The following ARHGEF9 variants were observed in gnomAD, a reference collection of about 807,000 sequenced individuals.
ARHGEF9 encodes rho guanine nucleotide exchange factor 9.
Under a neutral mutation model 41.3 loss-of-function variants are expected in ARHGEF9, and 2 were observed. The observed-to-expected ratio is 0.05, with a 90% CI of 0.02 to 0.15. The LOEUF is 0.15. Ranked by LOEUF, ARHGEF9 falls within the 10% of genes least tolerant of loss-of-function variation. The pLI, the probability that ARHGEF9 is intolerant of heterozygous loss-of-function variation, is 1.00. For missense variants in ARHGEF9, 225 were observed against 424.7 expected (o/e 0.53, Z 4.13); for synonymous variants, 160 against 154.4 (o/e 1.04, Z -0.27).
intron 1 of ARHGEF9, among the ~76,000 whole-genome samples, chrX:63,743,621 T>C (rs2055094823): frequency 1.8e-5 from 2 of 112,511 alleles, no homozygotes; most frequent in South Asian, 7.3e-4. Context: ...CTGCAATTTC[T>C]AAAACAGTTT....
At chrX:63,669,697 T>C (rs2049820551) in intron 6 of ARHGEF9, among the ~76,000 whole-genome samples, 1 of 111,883 alleles carries the variant, frequency 8.9e-6, no homozygotes, top group Admixed American at 9.5e-5. Flanking sequence ...AACCACATGG[T>C]TTGCTCCTTC....
intron 4 of ARHGEF9, among the ~76,000 whole-genome samples, chrX:63,695,662 T>A (rs1235730311): frequency 8.9e-6 from 1 of 112,161 alleles, no homozygotes; most frequent in Non-Finnish European, 1.9e-5. Flanking sequence ...GCTGGAAATA[T>A]TTCCCCTTGA....
At chrX:63,662,575 G>C (rs2049286942) in intron 7 of ARHGEF9, among the ~76,000 whole-genome samples, 1 of 111,757 alleles carries the variant, frequency 8.9e-6, no homozygotes, top group African/African-American at 3.2e-5. Context: ...TTACCAATGT[G>C]GAATCTGGAG....
At chrX:63,679,075 G>A (rs1204355119) in intron 4 of ARHGEF9, among the ~76,000 whole-genome samples, 1 of 112,063 alleles carries the variant, frequency 8.9e-6, no homozygotes, top group African/African-American at 3.2e-5. Context: ...ACAATGTGAT[G>A]AAGTGTTTAG....
At chrX:63,686,521 A>G (rs1211035977) in intron 4 of ARHGEF9, among the ~76,000 whole-genome samples, 1 of 111,904 alleles carries the variant, frequency 8.9e-6, no homozygotes, top group Non-Finnish European at 1.9e-5. Flanking sequence ...TGCATTATAC[A>G]TATGTTAAAA....
At chrX:63,715,361 C>T (rs1245983591) in intron 2 of ARHGEF9, among the ~76,000 whole-genome samples, 1 of 111,258 alleles carries the variant, frequency 9.0e-6, no homozygotes, top group Admixed American at 9.5e-5. Flanking sequence ...ATGAAAGCCA[C>T]GCTAAGCAGA....
intron 9 of ARHGEF9, chrX:63,638,530 A>G (rs1319697482): frequency 5.4e-5 from 21 of 389,898 alleles, no homozygotes; most frequent in African/African-American, 5.2e-4. Context: ...TAAGTTAGCG[A>G]CAAAGCAAGG....
intron 4 of ARHGEF9, among the ~76,000 whole-genome samples, chrX:63,696,100 T>G (rs1451065486): frequency 9.0e-6 from 1 of 111,451 alleles, no homozygotes; most frequent in Non-Finnish European, 1.9e-5. Flanking sequence ...TTCTGAGTCC[T>G]AAACCACATT....
intron 1 of ARHGEF9, chrX:63,725,818 G>A (rs1360722652): frequency 4.4e-5 from 5 of 112,490 alleles, no homozygotes; most frequent in Admixed American, 2.8e-4. Flanking sequence ...TCTCTCCCAA[G>A]CATTGAATTT....
At chrX:63,659,493 C>A (rs1367265768) in intron 7 of ARHGEF9, among the ~76,000 whole-genome samples, 2 of 111,914 alleles carry the variant, frequency 1.8e-5, no homozygotes, top group African/African-American at 6.5e-5. Flanking sequence ...CTTAGTAAGA[C>A]ATTGCAGGAT....
At chrX:63,688,514 C>A (rs2051126941) in intron 4 of ARHGEF9, among the ~76,000 whole-genome samples, 1 of 112,494 alleles carries the variant, frequency 8.9e-6, no homozygotes, top group Admixed American at 9.4e-5. Context: ...AAACCGTTCA[C>A]AACTTTAGTA....
chrX:63,762,846 C>T (rs1363443440), intron 1 of ARHGEF9, among the ~76,000 whole-genome samples: 1 of 111,801 alleles, frequency 8.9e-6, no homozygotes, highest in Non-Finnish European at 1.9e-5. Flanking sequence ...AACCCCTCCT[C>T]TTCCTTCTCC....
intron 5 of ARHGEF9, among the ~76,000 whole-genome samples, chrX:63,676,588 C>A (rs782499970): frequency 8.9e-6 from 1 of 111,963 alleles, no homozygotes; most frequent in Non-Finnish European, 1.9e-5. Flanking sequence ...GATGTCTGAG[C>A]CTGACACTTA....
At chrX:63,754,978 C>A (rs1232600736) in intron 1 of ARHGEF9, 7 of 937,113 alleles carry the variant, frequency 7.5e-6, no homozygotes, top group African/African-American at 2.1e-5. Context: ...CGTCCGCCTG[C>A]CTGGCTACCG....
intron 1 of ARHGEF9, among the ~76,000 whole-genome samples, chrX:63,762,787 C>G (rs181104697): frequency 1.1e-3 from 126 of 111,602 alleles, no homozygotes; most frequent in African/African-American, 3.9e-3. Flanking sequence ...GCCTCCCATT[C>G]TACCTCCTTA....
At chrX:63,774,720 C>G (rs1489421796) in intron 1 of ARHGEF9, among the ~76,000 whole-genome samples, 1 of 111,494 alleles carries the variant, frequency 9.0e-6, no homozygotes, top group African/African-American at 3.3e-5. Context: ...ATATAAAAAC[C>G]CTAGAAGATA....
intron 7 of ARHGEF9, chrX:63,657,622 G>A (rs1353248530): frequency 2.7e-5 from 3 of 111,627 alleles, no homozygotes; most frequent in African/African-American, 9.8e-5. Context: ...GCTATACAGA[G>A]AGGGCCAATG....
chrX:63,706,315 G>A lies in ARHGEF9; in HGVS notation c.345C>T (p.Ile115=). 5.0e-6 allele frequency: 6 copies of A among 1,206,234 alleles called. No homozygotes were observed. Among genetic ancestry groups the A allele is most frequent in the Non-Finnish European group, 6.7e-6 (6 of 892,803 alleles). ...QNRDQMRANV[I]NEIMSTERHY... is the part of the protein sequence containing the mutation. ...GACGCTCAGTGCTCATTATCTCATT[G>A]ATGACATTGGCCCGCATCTGGTCCC... is the stretch of plus-strand genomic sequence containing the variant. The change falls in exon 3 of 10, where the codon ATC becomes ATT. Residue 115 remains isoleucine (I), a synonymous_variant. Transcript: ENST00000671741.
chrX:63,758,291 T>TC (rs2055970800), intron 1 of ARHGEF9, among the ~76,000 whole-genome samples: 2 of 111,067 alleles, frequency 1.8e-5, no homozygotes, highest in African/African-American at 6.6e-5. Flanking sequence ...AGAGAGCAGC[T>TC]ACCCTGACAC....
Sources: gnomAD v4.1 joint callset for allele counts (sites outside exome capture counted in the v4.1 genomes callset) on GRCh38, gnomAD v4.1.1 for gene constraint, MANE v1.5 for transcripts, NCBI Gene and HGNC (gene_info 2026-07-23, HGNC 2026-07-21) for gene names.